TACC2: variants seen among roughly 807,000 people sequenced by gnomAD.
The protein encoded by TACC2 is transforming acidic coiled-coil-containing protein 2.
TACC2 carries 137 observed loss-of-function variants against 227.3 expected under a neutral mutation model. The observed-to-expected ratio is 0.60, with a 90% CI of 0.52 to 0.69. The LOEUF (loss-of-function observed/expected upper bound fraction) is 0.69. TACC2 is among the 30% of genes least tolerant of loss of function. The pLI is 0.00. For synonymous variants in TACC2, 1,523 were observed against 1,487.5 expected (o/e 1.02, Z -0.55); for missense variants, 3,470 against 3,694.4 (o/e 0.94, Z 1.57).
intron 7 of TACC2, among the ~76,000 whole-genome samples, chr10:122,161,278 G>A (rs2092799765): frequency 6.6e-6 from 1 of 152,132 alleles, no homozygotes. Flanking sequence ...CCGTGAGATG[G>A]TGTTGTCCCA....
intron 1 of TACC2, among the ~76,000 whole-genome samples, chr10:122,016,247 G>T (rs1447644637): frequency 7.6e-6 from 1 of 131,088 alleles, no homozygotes. Context: ...GGGTGACAGA[G>T]TGAGACCCTG....
rs570935902 is a variant in TACC2, at chr10:122,113,794, T to G, written c.5574-18815T>G. Reference sequence around the variant, plus strand: ...TTACGTCAGCAGGGCCGAGCGCACTTCGGGGATCCGGCGCAACACGTGACC... The same window carrying G: ...TTACGTCAGCAGGGCCGAGCGCACTGCGGGGATCCGGCGCAACACGTGACC... On this transcript the variant is annotated intron_variant, in intron 5 of 22. Coordinates refer to ENST00000369005, the MANE Select transcript of TACC2 (RefSeq NM_206862.4). 5.9e-5 allele frequency among the ~76,000 whole-genome samples: 9 copies of G among 152,340 alleles called. No individual in the cohort carries two copies. The South Asian group carries it at 1.7e-3, about 28-fold the overall frequency.
intron 6 of TACC2, among the ~76,000 whole-genome samples, chr10:122,135,430 A>G (rs1333508812): frequency 6.6e-6 from 1 of 152,200 alleles, no homozygotes; most frequent in Non-Finnish European, 1.5e-5. Flanking sequence ...TTATCTCCTT[A>G]TGGAAAGACT....
chr10:122,094,557 T>C (rs1417782966), intron 5 of TACC2, among the ~76,000 whole-genome samples: 2 of 152,196 alleles, frequency 1.3e-5, no homozygotes, highest in East Asian at 3.8e-4. Flanking sequence ...GGGATTATTA[T>C]AGGCATGAGC....
In TACC2 at chr10:122,248,259, G is replaced by A. The variant is rs138453792; in HGVS notation, c.8393-384G>A. The A allele has an allele frequency of 3.2e-3, 631 of 195,792 alleles. 1 individual carries two copies. The highest frequency in any genetic ancestry group is 0.012 in the South Asian group (105 of 8,872). The allele number at this position is 195,792 out of a possible 1,614,324, so 12.1% of individuals were successfully genotyped here. ...AGCCCAGACCTCACACCCTTTAATC[G>A]TCCCAACGCAAAATTCACTAGCGAT... On this transcript the variant is annotated intron_variant, in intron 19 of 22. Transcript: ENST00000369005.
At chr10:121,991,095 T>A (rs918122181) in intron 1 of TACC2, among the ~76,000 whole-genome samples, 1 of 152,210 alleles carries the variant, frequency 6.6e-6, no homozygotes, top group African/African-American at 2.4e-5. Flanking sequence ...CTGGACCTAC[T>A]TGTTTTTAAA....
At chr10:122,232,293 T>C (rs975931743) in intron 16 of TACC2, among the ~76,000 whole-genome samples, 1 of 152,266 alleles carries the variant, frequency 6.6e-6, no homozygotes, top group Non-Finnish European at 1.5e-5. Flanking sequence ...CATGTATTCC[T>C]GTCCAGAGTT....
rs539080368 is a variant in TACC2, at chr10:122,179,673, G to A, written c.5835-15367G>A. 2.0e-5 allele frequency among the ~76,000 whole-genome samples: 3 copies of A among 152,306 alleles called. No individual in the cohort carries two copies. The East Asian group carries it at 5.8e-4, about 29-fold the overall frequency. On this transcript the variant is annotated intron_variant, in intron 7 of 22. Coordinates refer to ENST00000369005, the MANE Select transcript of TACC2 (RefSeq NM_206862.4). ...AACAACTCAGGGGCCAGGCCTGGGGGCTCATGCCTGTAACCCCAACACTTT... is the reference window on the plus strand; with the variant it reads ...AACAACTCAGGGGCCAGGCCTGGGGACTCATGCCTGTAACCCCAACACTTT...
Position 122,195,187 on chromosome 10 carries a change from G to T in TACC2, c.5971+11G>T. On this transcript the variant is annotated intron_variant, in intron 8 of 22. Coordinates refer to ENST00000369005, the MANE Select transcript of TACC2 (RefSeq NM_206862.4). Reference sequence around the variant, plus strand: ...CCCCGGAAGAACCAGGTAACCAAGGGCAGGGAGGCCCCCAGACAGCCCTGT... The same window carrying T: ...CCCCGGAAGAACCAGGTAACCAAGGTCAGGGAGGCCCCCAGACAGCCCTGT... 1.9e-6 allele frequency: 3 copies of T among 1,603,644 alleles called. No homozygotes were observed. Among genetic ancestry groups the T allele is most frequent in the Non-Finnish European group, 2.6e-6 (3 of 1,173,894 alleles).
Position 122,211,417 on chromosome 10 carries a change from C to G in TACC2, c.6992C>G (p.Ala2331Gly). 1 of 1,614,142 alleles carries G rather than the reference C, an allele frequency of 6.2e-7. No individual in the cohort carries two copies. Among genetic ancestry groups the G allele is most frequent in the Non-Finnish European group, 8.5e-7 (1 of 1,180,034 alleles). Residue 2331 changes from alanine to glycine, a missense_variant, in exon 9 of 23, where the codon GCT becomes GGT. This residue lies in a region of TACC2 where 593 missense variants were observed against 636.6 expected (regional missense o/e 0.93). Coordinates refer to ENST00000369005, the MANE Select transcript of TACC2 (RefSeq NM_206862.4). The stretch of plus-strand genomic sequence containing the variant: ...GCTGAACCCAATGACATCCCCATTG[C>G]TAAAGGTACTTACACCTTTGATATT... The part of the protein sequence containing the change: ...SPAEPNDIPI[A>G]KGTYTFDIDK...
intron 7 of TACC2, among the ~76,000 whole-genome samples, chr10:122,183,788 G>T (rs765150254): frequency 1.3e-5 from 2 of 152,148 alleles, no homozygotes; most frequent in Non-Finnish European, 2.9e-5. Flanking sequence ...TCAGGCTGAG[G>T]CTCAGAAGAC....
intron 7 of TACC2, among the ~76,000 whole-genome samples, chr10:122,170,751 G>A (rs1028638056): frequency 6.6e-6 from 1 of 152,140 alleles, no homozygotes; most frequent in African/African-American, 2.4e-5. Flanking sequence ...TCCAGGCCCT[G>A]CCACCTGGCT....
intron 7 of TACC2, among the ~76,000 whole-genome samples, chr10:122,152,999 C>CTTTTTTTTTTTTTTTTTT (rs150943859): frequency 3.1e-4 from 42 of 135,018 alleles, no homozygotes; most frequent in East Asian, 7.0e-4. Flanking sequence ...TTCTTTCTTT[C>CTTTTTTTTTTTTTTTTTT]TTTTTTTTTT....
At chr10:122,020,154 AC>A (rs1361610237) in intron 1 of TACC2, among the ~76,000 whole-genome samples, 1 of 152,176 alleles carries the variant, frequency 6.6e-6, no homozygotes, top group African/African-American at 2.4e-5. Context: ...TTATGATTCA[AC>A]CTGGAAGATA....
intron 5 of TACC2, among the ~76,000 whole-genome samples, chr10:122,093,391 C>G (rs772269246): frequency 1.3e-5 from 2 of 152,204 alleles, no homozygotes; most frequent in Non-Finnish European, 1.5e-5. Context: ...CCACTCCGTT[C>G]TAAAATTACC....
At chr10:122,230,486 G>C in intron 16 of TACC2, 46 bp downstream of exon 16, 1 of 1,555,262 alleles carries the variant, frequency 6.4e-7, no homozygotes, top group Non-Finnish European at 8.9e-7. Flanking sequence ...AATGTCATGT[G>C]TGCCGCTGGG....
chr10:122,175,063 C>T (rs906697637), intron 7 of TACC2, among the ~76,000 whole-genome samples: 6 of 152,156 alleles, frequency 3.9e-5, no homozygotes, highest in African/African-American at 1.4e-4. Flanking sequence ...TCAACCTCCC[C>T]AGGCTCAGAT....
chr10:122,205,722 G>A lies in TACC2; in HGVS notation c.5972-4675G>A, dbSNP rs1007015497. 3.3e-5 allele frequency among the ~76,000 whole-genome samples: 5 copies of A among 152,166 alleles called. No individual in the cohort carries two copies. Among genetic ancestry groups the A allele is most frequent in the Admixed American group, 6.5e-5 (1 of 15,286 alleles). ...AGTGCTGCTCTGCAGAGGAAGGGGCGGATGGAGGCGGAGTCTGGGGTTTTA... is the reference window on the plus strand; with the variant it reads ...AGTGCTGCTCTGCAGAGGAAGGGGCAGATGGAGGCGGAGTCTGGGGTTTTA... On this transcript the variant is annotated intron_variant, in intron 8 of 22. Coordinates refer to ENST00000369005, the MANE Select transcript of TACC2 (RefSeq NM_206862.4). The surrounding 1 kb of genome is among the most constrained non-coding windows in gnomAD (Gnocchi z 4.5).
At chr10:122,003,320 GTTTAC>G (rs1187630518) in intron 1 of TACC2, among the ~76,000 whole-genome samples, 1 of 151,240 alleles carries the variant, frequency 6.6e-6, no homozygotes. Flanking sequence ...GCTTTTCTTA[GTTTAC>G]TTTGTTTTTC....
Sources: allele counts gnomAD v4.1 joint callset (sites outside exome capture counted in the v4.1 genomes callset), GRCh38; gene constraint gnomAD v4.1.1; regional missense constraint gnomAD v4.1.1; non-coding constraint Gnocchi (gnomAD v3.1); transcripts MANE v1.5; gene names NCBI Gene and HGNC (gene_info 2026-07-23, HGNC 2026-07-21).